Variants in CABIN1 observed in about 807,000 individuals in gnomAD.
CABIN1 encodes the protein calcineurin binding protein 1, also known as calcineurin-binding protein cabin-1.
In CABIN1, 133 loss-of-function variants were observed where a neutral mutation model predicts 227.7. The ratio of observed to expected loss-of-function variants is 0.58; its 90% CI spans 0.51 to 0.67. The LOEUF (loss-of-function observed/expected upper bound fraction) is 0.67. Ranked by LOEUF, CABIN1 falls within the 30% of genes least tolerant of loss-of-function variation. The pLI is 0.00. For missense variants in CABIN1, 2,408 were observed against 2,852.5 expected (o/e 0.84, Z 3.55); for synonymous variants, 1,086 against 1,155.1 (o/e 0.94, Z 1.21).
At chr22:24,058,429 C>T (rs1235114340) in intron 10 of CABIN1, among the ~76,000 whole-genome samples, 1 of 152,168 alleles carries the variant, frequency 6.6e-6, no homozygotes, top group Non-Finnish European at 1.5e-5. Flanking sequence ...TTCACAAGTG[C>T]CCTGAGTGTT....
At chr22:24,107,405 A>C (rs1225952635) in intron 26 of CABIN1, among the ~76,000 whole-genome samples, 1 of 152,176 alleles carries the variant, frequency 6.6e-6, no homozygotes, top group Non-Finnish European at 1.5e-5. Flanking sequence ...TGTGTCTGAG[A>C]GGCTCAGGAA....
intron 29 of CABIN1, among the ~76,000 whole-genome samples, chr22:24,160,171 G>GAA: frequency 6.6e-6 from 1 of 152,108 alleles, no homozygotes. Flanking sequence ...TACTCAGGTT[G>GAA]TCCCTCCCAG....
chr22:24,063,269 T>C, intron 14 of CABIN1, 123 bp downstream of exon 14: 10 of 982,646 alleles, frequency 1.0e-5, no homozygotes, highest in Non-Finnish European at 1.6e-5. Flanking sequence ...CATGCATGTG[T>C]ACATGCATAG....
chr22:24,165,575 C>G lies in CABIN1; in HGVS notation c.4956C>G (p.Ala1652=), dbSNP rs769689367. The G allele has an allele frequency of 2.4e-5, 38 of 1,613,132 alleles. No homozygotes were observed. The highest frequency in any genetic ancestry group is 3.2e-5 in the Non-Finnish European group (38 of 1,180,012). ...ACCGCCAGGTCCTGGCGCAGCGGGCCTTCATCCTCACTGTGAAGGTGCTCG... is the reference window on the plus strand; with the variant it reads ...ACCGCCAGGTCCTGGCGCAGCGGGCGTTCATCCTCACTGTGAAGGTGCTCG... ...DADRQVLAQR[A]FILTVKVLED... Residue 1652 remains alanine, a synonymous_variant, in exon 31 of 37, where the codon GCC becomes GCG. Transcript: ENST00000263119.
At chr22:24,034,783 C>A (rs547033787) in intron 1 of CABIN1, among the ~76,000 whole-genome samples, 2 of 152,366 alleles carry the variant, frequency 1.3e-5, no homozygotes, top group South Asian at 4.1e-4. Context: ...TTGCAGCCTT[C>A]AGACTAGTCT....
Position 24,109,970 on chromosome 22 carries a change from G to A in CABIN1, c.4118-3596G>A, listed in dbSNP as rs149335901. Among the ~76,000 whole-genome samples the A allele has an allele frequency of 8.3e-4, 127 of 152,298 alleles. 1 individual carries two copies. Among genetic ancestry groups the A allele is most frequent in the African/African-American group, 2.9e-3 (120 of 41,560 alleles). Reference sequence around the variant, plus strand: ...GGATCACCTGAGGTCAGGAGTTTGAGACCAGCCTGTCTAACATGGTGAAAT... The same window carrying A: ...GGATCACCTGAGGTCAGGAGTTTGAAACCAGCCTGTCTAACATGGTGAAAT... On this transcript the variant is annotated intron_variant, in intron 26 of 36. Coordinates refer to ENST00000263119, the MANE Select transcript of CABIN1 (RefSeq NM_012295.4).
chr22:24,073,183 G>A (rs868123341), intron 18 of CABIN1, among the ~76,000 whole-genome samples: 5 of 152,240 alleles, frequency 3.3e-5, no homozygotes, highest in Middle Eastern at 3.4e-3. Flanking sequence ...TTGAAGAAAC[G>A]ACAGTACTGC....
chr22:24,090,298 A>AG (rs1025482316), intron 23 of CABIN1, among the ~76,000 whole-genome samples: 5 of 152,148 alleles, frequency 3.3e-5, no homozygotes, highest in Admixed American at 6.5e-5. Flanking sequence ...CAGGGTGGGC[A>AG]GGGGGGCTAG....
At position 24,162,538 on chromosome 22, in the gene CABIN1, C is replaced by T. The variant is rs150079595; in HGVS notation, c.4747-1862C>T. Among the ~76,000 whole-genome samples, 5 of 152,322 alleles carry T rather than the reference C, an allele frequency of 3.3e-5. No individual in the cohort carries two copies. In the East Asian group the frequency reaches 7.7e-4, roughly 23 times the overall value. On this transcript the variant is annotated intron_variant, in intron 29 of 36. Transcript: ENST00000263119. ...GCACACTAGCTGGCCTGACCCTGCC[C>T]GGGAAACGTGCCCTTCAGCACACTG...
chr22:24,046,295 T>A lies in CABIN1; in HGVS notation c.527-2796T>A, dbSNP rs114357763. 9.1e-3 allele frequency among the ~76,000 whole-genome samples: 1,379 copies of A among 152,320 alleles called. 62 individuals carry two copies. The East Asian group carries it at 0.14, about 15-fold the overall frequency. On this transcript the variant is annotated intron_variant, in intron 6 of 36. Coordinates refer to ENST00000263119, the MANE Select transcript of CABIN1 (RefSeq NM_012295.4). The stretch of plus-strand genomic sequence containing the variant: ...ATGGGCATTTGGGTTATTTCCAGAT[T>A]TGTGTTCTTAGTCATAACCTGCTAT...
intron 6 of CABIN1, among the ~76,000 whole-genome samples, chr22:24,047,793 T>C (rs1426680519): frequency 6.6e-6 from 1 of 152,260 alleles, no homozygotes; most frequent in Non-Finnish European, 1.5e-5. Flanking sequence ...CTTCATTTTC[T>C]AGTTATTCTT....
chr22:24,042,975 G>A lies in CABIN1; in HGVS notation c.417G>A (p.Arg139=). Residue 139 remains arginine (R), a synonymous_variant, in exon 6 of 37, where the codon CGG becomes CGA. Coordinates refer to ENST00000263119, the MANE Select transcript of CABIN1 (RefSeq NM_012295.4). ...GACATGTGGCCCTGAGGCTCATCCG[G>A]ATCCCCCTGGCTCGCCATGCTTTTG... ...KIGHVALRLI[R]IPLARHAFEE... is the part of the protein sequence containing the mutation. 1.2e-6 allele frequency: 2 copies of A among 1,613,788 alleles called. No homozygotes were observed. The highest frequency in any genetic ancestry group is 1.7e-6 in the Non-Finnish European group (2 of 1,179,966).
At chr22:24,015,590 C>T (rs1467937813) in intron 1 of CABIN1, among the ~76,000 whole-genome samples, 7 of 151,690 alleles carry the variant, frequency 4.6e-5, no homozygotes, top group Admixed American at 1.3e-4. Context: ...GTGATCCGCC[C>T]GCCTCAGCCT....
At chr22:24,155,936 TC>T in intron 29 of CABIN1, 1 of 506,342 alleles carries the variant, frequency 2.0e-6, no homozygotes, top group Non-Finnish European at 3.5e-6. Context: ...TGGGCCCGCT[TC>T]CAGTAGAGTG....
chr22:24,171,570 G>A, intron 33 of CABIN1, 143 bp from the exon 34 acceptor site: 2 of 874,624 alleles, frequency 2.3e-6, no homozygotes, highest in East Asian at 2.5e-5. Flanking sequence ...CATTGTGGGG[G>A]CTCAGTGGTG....
At chr22:24,164,689 C>G in intron 30 of CABIN1, 126 bp downstream of exon 30, 1 of 1,096,210 alleles carries the variant, frequency 9.1e-7, no homozygotes. Flanking sequence ...TGGACCAGCT[C>G]TTCATTCTCC....
At chr22:24,150,723 G>C (rs998571813) in intron 29 of CABIN1, among the ~76,000 whole-genome samples, 13 of 152,186 alleles carry the variant, frequency 8.5e-5, no homozygotes, top group Admixed American at 8.5e-4. Flanking sequence ...ATAATCAGAG[G>C]CACTTCTGGC....
In CABIN1 at chr22:24,076,233, G is replaced by A. The variant is rs769821850; in HGVS notation, c.2697G>A (p.Leu899=). ...LMLLNTAHEY[L]GRRSWCCNSD... ...TGCTGAACACAGCCCACGAGTATTT[G>A]GGCAGAAGGTCCTGGTGCTGCAATT... Residue 899 remains leucine (L), a synonymous_variant, in exon 19 of 37, where the codon TTG becomes TTA. Coordinates refer to ENST00000263119, the MANE Select transcript of CABIN1 (RefSeq NM_012295.4). 6.8e-6 allele frequency: 11 copies of A among 1,614,004 alleles called. No homozygotes were observed. The African/African-American group carries it at 1.5e-4, about 22-fold the overall frequency.
intron 29 of CABIN1, chr22:24,156,065 C>A (rs993190113): frequency 2.3e-6 from 1 of 426,576 alleles, no homozygotes; most frequent in Non-Finnish European, 4.2e-6. Context: ...GATGCCACGG[C>A]GGAGCCGGCG....
Sources: allele counts gnomAD v4.1 joint callset (sites outside exome capture counted in the v4.1 genomes callset), GRCh38; gene constraint gnomAD v4.1.1; transcripts MANE v1.5; gene names NCBI Gene and HGNC (gene_info 2026-07-23, HGNC 2026-07-21).